The following RGS12 variants were observed in gnomAD, a reference collection of about 807,000 sequenced individuals.
RGS12 encodes regulator of G protein signaling 12.
Under a neutral mutation model 120.1 loss-of-function variants are expected in RGS12, and 66 were observed. The observed-to-expected ratio is 0.55, with a 90% CI of 0.45 to 0.67. The LOEUF (loss-of-function observed/expected upper bound fraction) is 0.67, where lower values mean the gene tolerates loss of function less well. Ranked by LOEUF, RGS12 falls within the 30% of genes least tolerant of loss-of-function variation. The probability of loss-of-function intolerance (pLI) is 0.00; values close to 1 mark genes in which losing one functional copy is unlikely to be tolerated. For missense variants in RGS12, 1,859 were observed against 1,957.7 expected (o/e 0.95, Z 0.95); for synonymous variants, 827 against 804.7 (o/e 1.03, Z -0.47).
At chr4:3,430,313 A>G in intron 16 of RGS12, 94 bp from the exon 17 acceptor site, 2 of 1,150,924 alleles carry the variant, frequency 1.7e-6, no homozygotes, top group Non-Finnish European at 2.5e-6. Context: ...GTGTTAGGAC[A>G]GCCCAGGATG....
intron 2 of RGS12, among the ~76,000 whole-genome samples, chr4:3,323,148 CA>C (rs1258336254): frequency 2.0e-5 from 3 of 152,174 alleles, no homozygotes; most frequent in African/African-American, 7.2e-5. Context: ...GAGGACAAGC[CA>C]GGGGCGAGCG....
intron 2 of RGS12, among the ~76,000 whole-genome samples, chr4:3,322,040 C>T (rs2857861): frequency 0.53 from 80,472 of 152,086 alleles, 21,423 homozygotes; most frequent in South Asian, 0.66. Flanking sequence ...CCTTTGCCAA[C>T]GCTTTTGTCA....
At chr4:3,411,885 C>T (rs1560157775) in intron 4 of RGS12, among the ~76,000 whole-genome samples, 1 of 152,282 alleles carries the variant, frequency 6.6e-6, no homozygotes, top group South Asian at 2.1e-4. Flanking sequence ...AGCGCTGGTG[C>T]GCGTCTTCTT....
In RGS12 at chr4:3,436,154, T is replaced by C. The variant is rs1348576123; in HGVS notation, c.4115-3301T>C. ...GGGGGGTCACACTCTGGAACTAAGG[T>C]TCTGGGGGTGCTCTCGTTCCCATGG... On this transcript the variant is annotated intron_variant, in intron 17 of 17. Coordinates refer to ENST00000336727, the MANE Select transcript of RGS12 (RefSeq NM_001394154.1). Among the ~76,000 whole-genome samples, 4 of 151,826 alleles carry C rather than the reference T, an allele frequency of 2.6e-5. No individual in the cohort carries two copies. In the South Asian group the frequency reaches 8.3e-4, roughly 32 times the overall value.
In RGS12 at chr4:3,417,048, C is replaced by T. The variant is rs756783557; in HGVS notation, c.2563C>T (p.His855Tyr). The change falls in exon 8 of 18, where the codon CAC (histidine) becomes TAC (tyrosine). Residue 855 changes from histidine to tyrosine, a missense_variant. Around this residue, in one of 3 missense-constraint regions of RGS12, gnomAD observed 375 missense variants for 475.0 expected, o/e 0.79. Coordinates refer to ENST00000336727, the MANE Select transcript of RGS12 (RefSeq NM_001394154.1). ...GGTCCCCAGCAGCCCGGCTTCCAAGCACAGCCTCGGTTCAGACCACTCCAG... is the reference window on the plus strand; with the variant it reads ...GGTCCCCAGCAGCCCGGCTTCCAAGTACAGCCTCGGTTCAGACCACTCCAG... ...QQVPSSPASK[H>Y]SLGSDHSSVS... 4 of 1,612,850 alleles carry T rather than the reference C, an allele frequency of 2.5e-6. No homozygotes were observed. The African/African-American group carries it at 4.0e-5, about 16-fold the overall frequency.
rs1413558598 is a variant in RGS12 at position 3,420,348 on chromosome 4, C to T, written c.2762-294C>T. On this transcript the variant is annotated intron_variant, in intron 9 of 17. Transcript: ENST00000336727. ...ACGTACTGATGTGATTTGTTGGGCACCTGCCATGAGCCAAGCATGTTTTGG... is the reference window on the plus strand; with the variant it reads ...ACGTACTGATGTGATTTGTTGGGCATCTGCCATGAGCCAAGCATGTTTTGG... 1.6e-5 allele frequency: 8 copies of T among 507,182 alleles called. No homozygotes were observed. The East Asian group carries it at 2.5e-4, about 16-fold the overall frequency. The allele number at this position is 507,182 out of a possible 1,614,324, so 31.4% of individuals were successfully genotyped here.
Position 3,317,424 on chromosome 4 carries a change from C to T in RGS12, c.1254C>T (p.Thr418=). 6.2e-7 allele frequency: 1 copy of T among 1,614,110 alleles called. No individual in the cohort carries two copies. The highest frequency in any genetic ancestry group is 8.5e-7 in the Non-Finnish European group (1 of 1,180,046). ...GDADAHQNNS[T]SSNSDSGIGN... Reference sequence around the variant, plus strand: ...CCGATGCCCACCAGAACAACAGCACCAGCAGCAACAGTGACAGCGGCATTG... The same window carrying T: ...CCGATGCCCACCAGAACAACAGCACTAGCAGCAACAGTGACAGCGGCATTG... Residue 418 remains threonine, a synonymous_variant, in exon 2 of 18, where the codon ACC becomes ACT. Coordinates refer to ENST00000336727, the MANE Select transcript of RGS12 (RefSeq NM_001394154.1).
chr4:3,380,762 A>G (rs942379132), intron 3 of RGS12, among the ~76,000 whole-genome samples: 2 of 152,176 alleles, frequency 1.3e-5, no homozygotes, highest in African/African-American at 4.8e-5. Flanking sequence ...GGTTGCATAG[A>G]GCAGGGAGGC....
intron 2 of RGS12, among the ~76,000 whole-genome samples, chr4:3,322,170 G>C (rs563861350): frequency 1.3e-5 from 2 of 152,196 alleles, no homozygotes; most frequent in Non-Finnish European, 2.9e-5. Flanking sequence ...GCATTTCTAC[G>C]TCTCCTTGGT....
chr4:3,373,271 G>A (rs3129333), intron 3 of RGS12, among the ~76,000 whole-genome samples: 37,601 of 152,212 alleles, frequency 0.25, 4,976 homozygotes, highest in South Asian at 0.35. Context: ...CGGGCGGGCC[G>A]GCTGGGCCAG....
chr4:3,322,174 C>G (rs1267118851), intron 2 of RGS12, among the ~76,000 whole-genome samples: 1 of 152,198 alleles, frequency 6.6e-6, no homozygotes, highest in Admixed American at 6.5e-5. Flanking sequence ...TTCTACGTCT[C>G]CTTGGTGAGA....
chr4:3,364,396 G>C (rs1429889825), intron 3 of RGS12, among the ~76,000 whole-genome samples: 1 of 152,168 alleles, frequency 6.6e-6, no homozygotes, highest in Non-Finnish European at 1.5e-5. Flanking sequence ...GGGTGTATCC[G>C]CAGAACCTGC....
the RGS12 span, among the ~76,000 whole-genome samples, chr4:3,286,126 G>A: frequency 7.2e-5 from 11 of 152,348 alleles, no homozygotes; most frequent in African/African-American, 2.2e-4. Flanking sequence ...CTGGTTATTC[G>A]TGAGGCCACC....
At chr4:3,356,222 T>C (rs185164001) in intron 3 of RGS12, among the ~76,000 whole-genome samples, 2 of 151,910 alleles carry the variant, frequency 1.3e-5, no homozygotes, top group Admixed American at 6.6e-5. Context: ...GCCCGGATAA[T>C]TTTTGTATTT....
At chr4:3,313,147 A>G (rs1724513954) in intron 1 of RGS12, 1 of 152,286 alleles carries the variant, frequency 6.6e-6, no homozygotes, top group South Asian at 2.1e-4. Context: ...GGCCCATGAC[A>G]GTAAGAGTCT....
chr4:3,439,361 T>C, intron 17 of RGS12, 94 bp from the exon 18 acceptor site: 1 of 1,230,528 alleles, frequency 8.1e-7, no homozygotes, highest in Non-Finnish European at 1.2e-6. Context: ...ACCCCTACCA[T>C]GCTGTCTGTG....
At position 3,433,091 on chromosome 4, in the gene RGS12, G is replaced by A. The variant is rs953657994; in HGVS notation, c.4114+2136G>A. Among the ~76,000 whole-genome samples the A allele has an allele frequency of 4.6e-5, 7 of 152,246 alleles. No individual in the cohort carries two copies. The highest frequency in any genetic ancestry group is 7.3e-5 in the Non-Finnish European group (5 of 68,036). On this transcript the variant is annotated intron_variant, in intron 17 of 17. Coordinates refer to ENST00000336727, the MANE Select transcript of RGS12 (RefSeq NM_001394154.1). This position sits in a 1 kb window ranked among gnomAD's most constrained non-coding sequence, Gnocchi z 4.4. ...GAAACAGGCTGTGAATGCCGTGGTGGCCTGATGGAACCTCTTTCACATCTG... is the reference window on the plus strand; with the variant it reads ...GAAACAGGCTGTGAATGCCGTGGTGACCTGATGGAACCTCTTTCACATCTG...
rs1394629912 is a variant in RGS12 at position 3,372,196 on chromosome 4, G to C, written c.1999-14220G>C. ...AATTGCCTGGAGGAAGAGAGCCCTT[G>C]TGGTCTGTCTGCGCACCCCTCCCAG... is the stretch of plus-strand genomic sequence containing the variant. On this transcript the variant is annotated intron_variant, in intron 3 of 17. Transcript: ENST00000336727. This position sits in a 1 kb window ranked among gnomAD's most constrained non-coding sequence, Gnocchi z 4.3. 6.6e-6 allele frequency among the ~76,000 whole-genome samples: 1 copy of C among 152,238 alleles called. No homozygotes were observed.
At chr4:3,407,745 A>AT (rs1470584718) in intron 4 of RGS12, among the ~76,000 whole-genome samples, 3 of 152,186 alleles carry the variant, frequency 2.0e-5, no homozygotes, top group South Asian at 2.1e-4. Flanking sequence ...TGACTTAAAG[A>AT]GTCAGAGTGT....
Sources: allele counts gnomAD v4.1 joint callset (sites outside exome capture counted in the v4.1 genomes callset), GRCh38; gene constraint gnomAD v4.1.1; regional missense constraint gnomAD v4.1.1; non-coding constraint Gnocchi (gnomAD v3.1); transcripts MANE v1.5; gene names NCBI Gene and HGNC (gene_info 2026-07-23, HGNC 2026-07-21).